Variants in MYH9 observed in about 807,000 individuals in gnomAD.
The protein encoded by MYH9 is myosin-9.
Under a neutral mutation model 241.9 loss-of-function variants are expected in MYH9, and 29 were observed. That is an observed-to-expected ratio of 0.12 (90% CI 0.09 to 0.16). The LOEUF is 0.16. Ranked by LOEUF, MYH9 falls within the 10% of genes least tolerant of loss-of-function variation. MYH9 has a pLI of 1.00. For missense variants in MYH9, 1,803 were observed against 2,595.5 expected (o/e 0.69, Z 6.63); for synonymous variants, 1,047 against 1,062.6 (o/e 0.99, Z 0.29).
intron 1 of MYH9, among the ~76,000 whole-genome samples, chr22:36,378,163 C>G (rs1330719453): frequency 1.3e-5 from 2 of 151,340 alleles, no homozygotes; most frequent in Non-Finnish European, 2.9e-5. Flanking sequence ...GTGATCCCAG[C>G]TACTTAGGAG....
intron 1 of MYH9, among the ~76,000 whole-genome samples, chr22:36,354,676 T>G (rs1308849550): frequency 5.9e-5 from 9 of 151,822 alleles, no homozygotes; most frequent in Admixed American, 5.9e-4. Context: ...ACTCCTGACC[T>G]CAGGTGATCT....
At position 36,288,981 on chromosome 22, in the gene MYH9, A is replaced by G; in HGVS notation, c.4558-42T>C. 1 of 1,613,222 alleles carries G rather than the reference A, an allele frequency of 6.2e-7. No individual in the cohort carries two copies. Among genetic ancestry groups the G allele is most frequent in the Non-Finnish European group, 8.5e-7 (1 of 1,179,894 alleles). The stretch of plus-strand genomic sequence containing the variant: ...CCAAGTCAGGAGCAAAGGGACTGGC[A>G]GGTACCTGGGTCTGCGCGACCCGGA... On this transcript the variant is annotated intron_variant, in intron 32 of 40. Coordinates refer to ENST00000216181, the MANE Select transcript of MYH9 (RefSeq NM_002473.6). This position sits in a 1 kb window ranked among gnomAD's most constrained non-coding sequence, Gnocchi z 4.8.
rs1033396950 is a variant in MYH9, at chr22:36,377,042, G to A, written c.-20+10765C>T. Among the ~76,000 whole-genome samples the A allele has an allele frequency of 4.1e-5, 6 of 145,162 alleles. No homozygotes were observed. In the South Asian group the frequency reaches 8.6e-4, roughly 21 times the overall value. ...CGTGCAACTGTACTCTAGCCTAGGC[G>A]ACAAAGCGAGACCCTACCTCAAAAA... On this transcript the variant is annotated intron_variant, in intron 1 of 40. Transcript: ENST00000216181.
In MYH9 at chr22:36,305,868, C is replaced by T; in HGVS notation, c.2159+62G>A. 3.1e-6 allele frequency: 5 copies of T among 1,609,368 alleles called. No homozygotes were observed. The highest frequency in any genetic ancestry group is 1.1e-5 in the South Asian group (1 of 90,986). Reference sequence around the variant, plus strand: ...ATCCTGCCAGGGAGCAGCAGCCCACCTCTGGGACTCACTGCACGCACAGCA... The same window carrying T: ...ATCCTGCCAGGGAGCAGCAGCCCACTTCTGGGACTCACTGCACGCACAGCA... On this transcript the variant is annotated intron_variant, in intron 17 of 40. Transcript: ENST00000216181. This position sits in a 1 kb window ranked among gnomAD's most constrained non-coding sequence, Gnocchi z 4.7.
intron 5 of MYH9, chr22:36,325,081 A>G (rs1211886972): frequency 2.6e-6 from 2 of 775,246 alleles, no homozygotes; most frequent in South Asian, 1.4e-5. Context: ...AAGCACAGCT[A>G]GAGAACTCCT....
chr22:36,348,842 C>CA (rs1037852286), intron 2 of MYH9, 62 bp downstream of exon 2: 645 of 9,042 alleles, frequency 0.071, 4 homozygotes, highest in East Asian at 0.47. Context: ...GGAAGACCCG[C>CA]CCCCCCCCCC....
intron 1 of MYH9, among the ~76,000 whole-genome samples, chr22:36,370,417 C>G (rs2018071692): frequency 6.6e-6 from 1 of 152,196 alleles, no homozygotes; most frequent in Admixed American, 6.5e-5. Flanking sequence ...GGGCAAGGCA[C>G]CATGCAAGGG....
rs1330404116 is a variant in MYH9 at position 36,295,983 on chromosome 22, T to A, written c.3273-266A>T. On this transcript the variant is annotated intron_variant, in intron 25 of 40. Coordinates refer to ENST00000216181, the MANE Select transcript of MYH9 (RefSeq NM_002473.6). The surrounding 1 kb of genome is among the most constrained non-coding windows in gnomAD (Gnocchi z 4.1). ...GCTTCAAATATTTTTAAAAGTCAAA[T>A]GATGTGTTAAATGGGAAGAAAAGGA... is the stretch of plus-strand genomic sequence containing the variant. Among the ~76,000 whole-genome samples the A allele has an allele frequency of 1.3e-5, 2 of 152,142 alleles. No homozygotes were observed. Among genetic ancestry groups the A allele is most frequent in the Non-Finnish European group, 2.9e-5 (2 of 68,014 alleles).
intron 12 of MYH9, among the ~76,000 whole-genome samples, chr22:36,315,048 T>C (rs1242951867): frequency 6.6e-6 from 1 of 152,166 alleles, no homozygotes; most frequent in Non-Finnish European, 1.5e-5. Context: ...CCTTCCAAAG[T>C]GCTGGGATTA....
In MYH9 at chr22:36,291,996, T is replaced by A. The variant is rs748363414; in HGVS notation, c.4334A>T (p.Lys1445Met). The A allele has an allele frequency of 6.2e-7, 1 of 1,614,192 alleles. No individual in the cohort carries two copies. Among genetic ancestry groups the A allele is most frequent in the Non-Finnish European group, 8.5e-7 (1 of 1,180,034 alleles). Residue 1445 changes from lysine to methionine, a missense_variant, in exon 31 of 41, where the codon AAG (lysine) becomes ATG (methionine). Coordinates refer to ENST00000216181, the MANE Select transcript of MYH9 (RefSeq NM_002473.6). The part of the protein sequence containing the change: ...SACNLEKKQK[K>M]FDQLLAEEKT... Reference sequence around the variant, plus strand: ...CCAACGGCCACACACCTGGTCAAACTTCTTCTGCTTCTTCTCCAGGTTGCA... The same window carrying A: ...CCAACGGCCACACACCTGGTCAAACATCTTCTGCTTCTTCTCCAGGTTGCA...
intron 4 of MYH9, 147 bp downstream of exon 4, chr22:36,327,314 A>T: frequency 1.2e-6 from 1 of 858,844 alleles, no homozygotes; most frequent in East Asian, 2.7e-5. Context: ...CACAAACTGA[A>T]GTCCTATCCC....
intron 1 of MYH9, among the ~76,000 whole-genome samples, chr22:36,360,609 A>G (rs1468513705): frequency 1.3e-5 from 2 of 151,430 alleles, no homozygotes; most frequent in Admixed American, 1.3e-4. Context: ...GCTACTCTGG[A>G]GGCTGAGGCA....
At chr22:36,309,432 G>T in intron 14 of MYH9, 36 bp from the exon 15 acceptor site, 1 of 1,510,988 alleles carries the variant, frequency 6.6e-7, no homozygotes, top group Non-Finnish European at 9.2e-7. Context: ...CACAAGCTGC[G>T]CTGGGGACAT....
Position 36,302,665 on chromosome 22 carries a change from T to C in MYH9, c.2402A>G (p.Lys801Arg). The change falls in exon 20 of 41, where the codon AAG becomes AGG. Residue 801 changes from lysine (K) to arginine (R), a missense_variant. Lys to Arg is a conservative substitution (Grantham distance 26). This residue lies in a region of MYH9 where 72 missense variants were observed against 83.3 expected (regional missense o/e 0.86). Coordinates refer to ENST00000216181, the MANE Select transcript of MYH9 (RefSeq NM_002473.6). ...RGYLARKAFA[K>R]RQQQLTAMKV... Reference sequence around the variant, plus strand: ...CATGGCGGTAAGCTGCTGCTGCCGCTTGGCAAATGCTCTGTGTGGTGAGGA... The same window carrying C: ...CATGGCGGTAAGCTGCTGCTGCCGCCTGGCAAATGCTCTGTGTGGTGAGGA... 6.8e-6 allele frequency: 11 copies of C among 1,613,244 alleles called. No homozygotes were observed. The highest frequency in any genetic ancestry group is 9.3e-6 in the Non-Finnish European group (11 of 1,179,728).
intron 1 of MYH9, among the ~76,000 whole-genome samples, chr22:36,353,516 A>G (rs1396578325): frequency 6.6e-6 from 1 of 151,932 alleles, no homozygotes; most frequent in Non-Finnish European, 1.5e-5. Context: ...GCCCACCACC[A>G]CAGCCGGCTA....
chr22:36,356,055 G>A (rs1350575416), intron 1 of MYH9, among the ~76,000 whole-genome samples: 1 of 152,132 alleles, frequency 6.6e-6, no homozygotes, highest in Non-Finnish European at 1.5e-5. Context: ...ATCTCCAATG[G>A]CCTTGGGCAC....
intron 12 of MYH9, among the ~76,000 whole-genome samples, chr22:36,314,567 C>T (rs2017120068): frequency 1.3e-5 from 2 of 152,132 alleles, no homozygotes; most frequent in South Asian, 4.2e-4. Flanking sequence ...CTTTAAATTG[C>T]ATCCAATAGA....
intron 5 of MYH9, among the ~76,000 whole-genome samples, chr22:36,324,585 G>A (rs967985206): frequency 6.6e-6 from 1 of 152,280 alleles, no homozygotes; most frequent in Admixed American, 6.5e-5. Flanking sequence ...CCCTCTGCTG[G>A]TGTTGGGAGG....
At chr22:36,307,300 G>C (rs2016985485) in intron 15 of MYH9, among the ~76,000 whole-genome samples, 1 of 152,178 alleles carries the variant, frequency 6.6e-6, no homozygotes, top group Admixed American at 6.5e-5. Context: ...AAGGGAAGCA[G>C]CCCCTAGCAC....
Sources: gnomAD v4.1 joint callset for allele counts (sites outside exome capture counted in the v4.1 genomes callset) on GRCh38, gnomAD v4.1.1 for gene constraint, gnomAD v4.1.1 regional missense constraint, Gnocchi (gnomAD v3.1) non-coding constraint, MANE v1.5 for transcripts, NCBI Gene and HGNC (gene_info 2026-07-23, HGNC 2026-07-21) for gene names.